KLHL5: variants seen among roughly 807,000 people sequenced by gnomAD.
The protein encoded by KLHL5 is kelch-like protein 5.
KLHL5 carries 48 observed loss-of-function variants against 77.7 expected under a neutral mutation model. That is an observed-to-expected ratio of 0.62 (90% confidence interval 0.49 to 0.79). The LOEUF (loss-of-function observed/expected upper bound fraction) is 0.79. Among genes scored for constraint, KLHL5 ranks in the 30% least tolerant of loss-of-function variants. The pLI is 0.00. For synonymous variants in KLHL5, 260 were observed against 297.0 expected, an observed-to-expected ratio of 0.88 and a Z score of 1.28; for missense variants, 723 against 859.7, an observed-to-expected ratio of 0.84 and a Z score of 1.99.
intron 6 of KLHL5, among the ~76,000 whole-genome samples, chr4:39,102,451 G>T (rs115207877): frequency 6.7e-6 from 1 of 150,002 alleles, no homozygotes; most frequent in Non-Finnish European, 1.5e-5. Context: ...ACTCCCTACC[G>T]TCATAGTTCC....
intron 1 of KLHL5, among the ~76,000 whole-genome samples, chr4:39,073,766 T>C (rs1232317236): frequency 6.6e-6 from 1 of 151,978 alleles, no homozygotes; most frequent in Admixed American, 6.6e-5. Flanking sequence ...TGCCTCAGCC[T>C]CCCAAGTAGC....
chr4:39,076,390 G>T (rs930322101), intron 2 of KLHL5, among the ~76,000 whole-genome samples: 1 of 152,048 alleles, frequency 6.6e-6, no homozygotes, highest in Non-Finnish European at 1.5e-5. Flanking sequence ...GGTATTGTTC[G>T]GTGTAGATTG....
At position 39,118,881 on chromosome 4, in the gene KLHL5, G is replaced by T. The variant is rs79022604; in HGVS notation, c.2074-2129G>T. The stretch of plus-strand genomic sequence containing the variant: ...AGTTTTTAAGTGAAGAGAAAGAGAA[G>T]AAAAGGACTTAGATTGTGTGGGCTT... On this transcript the variant is annotated intron_variant, in intron 10 of 10. Transcript: ENST00000504108. Among the ~76,000 whole-genome samples, 1,094 of 152,278 alleles carry T rather than the reference G, an allele frequency of 7.2e-3. 46 individuals are homozygous for T. In the East Asian group the frequency reaches 0.13, roughly 18 times the overall value.
At chr4:39,086,134 C>T (rs1238650074) in intron 4 of KLHL5, among the ~76,000 whole-genome samples, 1 of 152,170 alleles carries the variant, frequency 6.6e-6, no homozygotes, top group Non-Finnish European at 1.5e-5. Flanking sequence ...CCCACAAATC[C>T]AAACCGCAAA....
rs1051647259 is a variant in KLHL5, at chr4:39,122,870, T to TA, written c.*1812dup. On this transcript the variant is annotated 3_prime_UTR_variant, in exon 11 of 11. Transcript: ENST00000504108. ...CATTTTATGTGAGGAATTATTTTAA[T>TA]AAAAAAAAGAGGGTTTATGCTCTAT... 4.6e-5 allele frequency among the ~76,000 whole-genome samples: 7 copies of TA among 151,608 alleles called. No homozygotes were observed. Among genetic ancestry groups the TA allele is most frequent in the East Asian group, 1.9e-4 (1 of 5,174 alleles).
chr4:39,075,910 G>C, intron 1 of KLHL5, 55 bp from the exon 2 acceptor site: 1 of 1,443,174 alleles, frequency 6.9e-7, no homozygotes, highest in East Asian at 2.3e-5. Flanking sequence ...TAATAGGAAA[G>C]ATCTTTTTAA....
Position 39,124,214 on chromosome 4 carries a change from T to C in KLHL5, c.*3148T>C, listed in dbSNP as rs1465577117. On this transcript the variant is annotated 3_prime_UTR_variant, in exon 11 of 11. Coordinates refer to ENST00000504108, the MANE Select transcript of KLHL5 (RefSeq NM_015990.5). ...TGCTGGCAGGTTGGAAGACTTAACA[T>C]TGTTAAGATGGCATTACTCCCAAAA... Among the ~76,000 whole-genome samples the C allele has an allele frequency of 6.6e-6, 1 of 152,158 alleles. No homozygotes were observed. The highest frequency in any genetic ancestry group is 1.5e-5 in the Non-Finnish European group (1 of 68,026).
At chr4:39,067,934 C>T (rs1280260872) in intron 1 of KLHL5, among the ~76,000 whole-genome samples, 1 of 152,002 alleles carries the variant, frequency 6.6e-6, no homozygotes, top group Admixed American at 6.6e-5. Context: ...CTGTCCACCT[C>T]GGCCTCCCAA....
Position 39,107,603 on chromosome 4 carries a change from A to G in KLHL5, c.1560A>G (p.Val520=), listed in dbSNP as rs993746556. 6.8e-6 allele frequency: 11 copies of G among 1,612,510 alleles called. No individual in the cohort carries two copies. The highest frequency in any genetic ancestry group is 9.3e-6 in the Non-Finnish European group (11 of 1,178,856). The change falls in exon 8 of 11, where the codon GTA becomes GTG. Residue 520 remains valine, a synonymous_variant. Transcript: ENST00000504108. Reference sequence around the variant, plus strand: ...TACTGGAAGGTCCCATGTATGCCGTAGGAGGACATGATGGCTGGAGCTATC... The same window carrying G: ...TACTGGAAGGTCCCATGTATGCCGTGGGAGGACATGATGGCTGGAGCTATC... ...VAVLEGPMYA[V]GGHDGWSYLN...
chr4:39,062,013 A>G (rs1405769666), upstream of KLHL5, among the ~76,000 whole-genome samples: 1 of 152,144 alleles, frequency 6.6e-6, no homozygotes, highest in Non-Finnish European at 1.5e-5. Flanking sequence ...CTCATTCCCC[A>G]TCCAAAGAGC....
upstream of KLHL5, among the ~76,000 whole-genome samples, chr4:39,057,338 G>A (rs1449154472): frequency 6.6e-6 from 1 of 152,096 alleles, no homozygotes; most frequent in East Asian, 1.9e-4. Context: ...CAAAAGATTT[G>A]TTGCATTTAC....
chr4:39,079,453 T>C (rs1322150996), intron 2 of KLHL5, among the ~76,000 whole-genome samples: 1 of 152,196 alleles, frequency 6.6e-6, no homozygotes, highest in Non-Finnish European at 1.5e-5. Context: ...TGTAGTTCCT[T>C]GCATGTGCCA....
chr4:39,046,783 T>G (rs1716226500), intron 1 of KLHL5, among the ~76,000 whole-genome samples: 1 of 152,200 alleles, frequency 6.6e-6, no homozygotes, highest in South Asian at 2.1e-4. Context: ...TAGTGAATTT[T>G]GCACGACAGT....
chr4:39,127,430 G>A (rs570775357), downstream of KLHL5, among the ~76,000 whole-genome samples: 1 of 152,144 alleles, frequency 6.6e-6, no homozygotes, highest in East Asian at 1.9e-4. Context: ...GTAAATTTGG[G>A]GGTTTTTTGT....
the KLHL5 span, among the ~76,000 whole-genome samples, chr4:39,137,056 T>A: frequency 6.6e-6 from 1 of 152,164 alleles, no homozygotes; most frequent in Non-Finnish European, 1.5e-5. Flanking sequence ...AGAAGGAAGT[T>A]ACAAATACAG....
Position 39,103,393 on chromosome 4 carries a change from A to C in KLHL5, c.1407A>C (p.Lys469Asn). Residue 469 changes from lysine (K) to asparagine (N), a missense_variant, in exon 7 of 11, where the codon AAA (lysine) becomes AAC (asparagine). Lys to Asn is a moderately conservative substitution (Grantham distance 94). Transcript: ENST00000504108. The part of the protein sequence containing the change: ...LQFGVAVLDD[K>N]LYVVGGRDGL... Reference sequence around the variant, plus strand: ...TCGGTGTTGCAGTGCTAGATGACAAACTGTATGTGGTTGGAGGAAGAGATG... The same window carrying C: ...TCGGTGTTGCAGTGCTAGATGACAACCTGTATGTGGTTGGAGGAAGAGATG... 6.2e-7 allele frequency: 1 copy of C among 1,614,136 alleles called. No homozygotes were observed.
chr4:39,045,077 C>A, exon 1 of KLHL5: 1 of 988,044 alleles, frequency 1.0e-6, no homozygotes, highest in Non-Finnish European at 1.2e-6. Flanking sequence ...GACCCACGGC[C>A]GCCTCCGGAG....
At chr4:39,079,232 T>G (rs1290681737) in intron 2 of KLHL5, among the ~76,000 whole-genome samples, 1 of 152,164 alleles carries the variant, frequency 6.6e-6, no homozygotes, top group Non-Finnish European at 1.5e-5. Context: ...GCCCCTACAT[T>G]CTGTTTTAAC....
Position 39,124,523 on chromosome 4 carries a change from G to T in KLHL5, c.*3457G>T, listed in dbSNP as rs1723408272. On this transcript the variant is annotated 3_prime_UTR_variant, in exon 11 of 11. Coordinates refer to ENST00000504108, the MANE Select transcript of KLHL5 (RefSeq NM_015990.5). ...AAACAAATTACGCCAATACACTATG[G>T]TCAATTGATTTTTGACAAGGGTTCC... 1.3e-5 allele frequency among the ~76,000 whole-genome samples: 2 copies of T among 152,012 alleles called. No individual in the cohort carries two copies. Among genetic ancestry groups the T allele is most frequent in the South Asian group, 4.1e-4 (2 of 4,822 alleles).
Sources: allele counts gnomAD v4.1 joint callset (sites outside exome capture counted in the v4.1 genomes callset), GRCh38; gene constraint gnomAD v4.1.1; transcripts MANE v1.5; gene names NCBI Gene and HGNC (gene_info 2026-07-23, HGNC 2026-07-21).